ERMARD: variants seen among roughly 807,000 people sequenced by gnomAD.
ERMARD encodes the protein endoplasmic reticulum membrane-associated RNA degradation protein.
In ERMARD, 71 loss-of-function variants were observed where a neutral mutation model predicts 83.9. The ratio of observed to expected loss-of-function variants is 0.85; its 90% CI spans 0.70 to 1.03. The LOEUF (loss-of-function observed/expected upper bound fraction) is 1.03. ERMARD is among the 50% of genes least tolerant of loss of function. ERMARD has a pLI of 0.00. For missense variants in ERMARD, 838 were observed against 810.9 expected (o/e 1.03, Z -0.41); for synonymous variants, 284 against 298.6 (o/e 0.95, Z 0.50).
intron 17 of ERMARD, among the ~76,000 whole-genome samples, chr6:169,780,452 A>C (rs1794076203): frequency 6.6e-6 from 1 of 152,220 alleles, no homozygotes; most frequent in Non-Finnish European, 1.5e-5. Context: ...GGTGAAAACT[A>C]CCTGGCAAAT....
In ERMARD at chr6:169,776,472, G is replaced by GTGA. The variant is rs768652997; in HGVS notation, c.1539_1541dup (p.Arg513_Glu514insAsp). The GTGA allele has an allele frequency of 6.2e-7, 1 of 1,613,834 alleles. No homozygotes were observed. Among genetic ancestry groups the GTGA allele is most frequent in the South Asian group, 1.1e-5 (1 of 90,958 alleles). On this transcript the variant is annotated inframe_insertion, in exon 16 of 18. Coordinates refer to ENST00000366773, the MANE Select transcript of ERMARD (RefSeq NM_018341.3). ...GTTTGCAGGTGGCCCCAGCTTCTCC[G>GTGA]TGAGCTCTGCAGCACACCTGTTCCC...
intron 5 of ERMARD, 47 bp downstream of exon 5, chr6:169,756,855 T>C: frequency 1.3e-6 from 2 of 1,546,654 alleles, no homozygotes; most frequent in Non-Finnish European, 1.8e-6. Flanking sequence ...TCCGTTTTCA[T>C]GCTGCTGTTA....
chr6:169,760,066 G>C, intron 7 of ERMARD, 92 bp downstream of exon 7: 1 of 1,557,342 alleles, frequency 6.4e-7, no homozygotes. Context: ...CTTGAGGTGG[G>C]GTGAAGTAGT....
At chr6:169,754,134 A>G in intron 2 of ERMARD, 102 bp downstream of exon 2, 7 of 1,144,838 alleles carry the variant, frequency 6.1e-6, no homozygotes, top group Non-Finnish European at 8.6e-6. Context: ...TTTGTTAGAT[A>G]ATGTTATAAT....
At chr6:169,766,142 G>T (rs1415295978) in intron 9 of ERMARD, among the ~76,000 whole-genome samples, 1 of 152,260 alleles carries the variant, frequency 6.6e-6, no homozygotes, top group Non-Finnish European at 1.5e-5. Flanking sequence ...TCGGTTGCCT[G>T]TAGGTTTCAT....
At position 169,779,286 on chromosome 6, in the gene ERMARD, A is replaced by G. The variant is rs1793940746; in HGVS notation, c.1844A>G (p.Gln615Arg). 6.2e-7 allele frequency: 1 copy of G among 1,613,852 alleles called. No homozygotes were observed. The highest frequency in any genetic ancestry group is 8.5e-7 in the Non-Finnish European group (1 of 1,179,802). ...VCGKNAHEYQ[Q>R]YLKFVKSILQ... ...GGGAAGAATGCGCATGAGTATCAGCAGTACCTAAAGTAAGTGTGTCACAGT... is the reference window on the plus strand; with the variant it reads ...GGGAAGAATGCGCATGAGTATCAGCGGTACCTAAAGTAAGTGTGTCACAGT... The change falls in exon 17 of 18, where the codon CAG (glutamine) becomes CGG (arginine). Residue 615 changes from glutamine to arginine, a missense_variant. By Grantham distance (43) the Gln-to-Arg change is conservative. Transcript: ENST00000366773.
chr6:169,751,448 C>T, upstream of ERMARD: 1 of 1,614,018 alleles, frequency 6.2e-7, no homozygotes, highest in South Asian at 1.1e-5. Flanking sequence ...GCCTCGGCCT[C>T]GCTTCTCCAT....
At chr6:169,758,863 A>G in intron 5 of ERMARD, 105 bp from the exon 6 acceptor site, 2 of 1,024,094 alleles carry the variant, frequency 2.0e-6, no homozygotes, top group Non-Finnish European at 3.0e-6. Context: ...ACTAGCCAAA[A>G]CTGTTGACTC....
At chr6:169,775,060 C>T (rs886557762) in intron 13 of ERMARD, among the ~76,000 whole-genome samples, 5 of 152,240 alleles carry the variant, frequency 3.3e-5, no homozygotes, top group Admixed American at 3.3e-4. Flanking sequence ...CCACCCCAGA[C>T]GTTCACTCCC....
chr6:169,774,873 A>G (rs1203186007), intron 13 of ERMARD, among the ~76,000 whole-genome samples: 1 of 152,158 alleles, frequency 6.6e-6, no homozygotes, highest in Non-Finnish European at 1.5e-5. Flanking sequence ...CTGCACCTCG[A>G]GTGCGGCCTG....
chr6:169,774,911 A>G (rs1406936104), intron 13 of ERMARD, among the ~76,000 whole-genome samples: 2 of 152,190 alleles, frequency 1.3e-5, no homozygotes, highest in Non-Finnish European at 2.9e-5. Flanking sequence ...CACCTCTGAC[A>G]TGGCTTTGGA....
chr6:169,775,943 A>G lies in ERMARD; in HGVS notation c.1398A>G (p.Leu466=). The G allele has an allele frequency of 6.2e-7, 1 of 1,614,098 alleles. No homozygotes were observed. Among genetic ancestry groups the G allele is most frequent in the Non-Finnish European group, 8.5e-7 (1 of 1,180,004 alleles). Residue 466 remains leucine (L), a synonymous_variant, in exon 15 of 18, where the codon TTA becomes TTG. Coordinates refer to ENST00000366773, the MANE Select transcript of ERMARD (RefSeq NM_018341.3). ...PEELTRQAVR[L]EDNSETNACH... ...TTAAATATTTTCTGTTTTTCAGATT[A>G]GAAGATAATTCTGAAACAAATGCCT...
At chr6:169,754,600 C>G (rs551619896) in intron 2 of ERMARD, among the ~76,000 whole-genome samples, 1 of 152,222 alleles carries the variant, frequency 6.6e-6, no homozygotes, top group South Asian at 2.1e-4. Flanking sequence ...AGCCAAACAT[C>G]AAGCAGTAGG....
rs369674761 is a variant in ERMARD, at chr6:169,754,000, C to T, written c.143C>T (p.Thr48Ile). 3.2e-5 allele frequency: 51 copies of T among 1,613,028 alleles called. No homozygotes were observed. Among genetic ancestry groups the T allele is most frequent in the Admixed American group, 2.3e-4 (14 of 59,904 alleles). Residue 48 changes from threonine to isoleucine, a missense_variant, in exon 2 of 18, where the codon ACA becomes ATA. By Grantham distance (89) the Thr-to-Ile change is moderately conservative. Coordinates refer to ENST00000366773, the MANE Select transcript of ERMARD (RefSeq NM_018341.3). ...CAGAATGGTGAAGTATGCTGGAAAA[C>T]AATCACAGACTGTGTGAGCTACACA... ...VTQNGEVCWKTITDCVSYTES... is the reference protein window; with the variant it reads ...VTQNGEVCWKIITDCVSYTES...
At chr6:169,763,463 A>C (rs1292805137) in intron 9 of ERMARD, among the ~76,000 whole-genome samples, 1 of 152,220 alleles carries the variant, frequency 6.6e-6, no homozygotes, top group Non-Finnish European at 1.5e-5. Flanking sequence ...CACTTCCTGG[A>C]GGTAGCACAG....
At position 169,760,938 on chromosome 6, in the gene ERMARD, T is replaced by C. The variant is rs140529858; in HGVS notation, c.857+182T>C. On this transcript the variant is annotated intron_variant, in intron 8 of 17. Coordinates refer to ENST00000366773, the MANE Select transcript of ERMARD (RefSeq NM_018341.3). ...CTTCAAGGACCGCCTGTGATTATAT[T>C]GGAAACATTGCCTTTTGGTGCAGGT... 9.4e-3 allele frequency among the ~76,000 whole-genome samples: 1,425 copies of C among 152,302 alleles called. 17 individuals carry two copies. Among genetic ancestry groups the C allele is most frequent in the African/African-American group, 0.032 (1,328 of 41,570 alleles).
chr6:169,751,564 G>GT (rs1790081070), upstream of ERMARD: 1 of 1,609,306 alleles, frequency 6.2e-7, no homozygotes, highest in African/African-American at 1.3e-5. Context: ...GCCTCGTACG[G>GT]TAGGAAGTGC....
At chr6:169,764,190 C>T (rs1359743517) in intron 9 of ERMARD, among the ~76,000 whole-genome samples, 1 of 152,110 alleles carries the variant, frequency 6.6e-6, no homozygotes, top group Admixed American at 6.5e-5. Context: ...CACCCGAGCT[C>T]ATCTCACGAT....
At chr6:169,778,944 G>C (rs1793897677) in intron 16 of ERMARD, among the ~76,000 whole-genome samples, 1 of 152,224 alleles carries the variant, frequency 6.6e-6, no homozygotes. Context: ...CTCAGATGGT[G>C]ACTCAGAGCA....
Sources: gnomAD v4.1 joint callset for allele counts (sites outside exome capture counted in the v4.1 genomes callset) on GRCh38, gnomAD v4.1.1 for gene constraint, MANE v1.5 for transcripts, NCBI Gene and HGNC (gene_info 2026-07-23, HGNC 2026-07-21) for gene names.